The following ANGPT4 variants were observed in gnomAD, a reference collection of about 807,000 sequenced individuals.
The protein encoded by ANGPT4 is angiopoietin 4, also known as angiopoietin-4.
ANGPT4 carries 50 observed loss-of-function variants against 53.0 expected under a neutral mutation model. That is an observed-to-expected ratio of 0.94 (90% CI 0.75 to 1.20). The LOEUF is 1.20. Among genes scored for constraint, ANGPT4 ranks in the 50% most tolerant of loss-of-function variants. ANGPT4 has a pLI of 0.00. For missense variants in ANGPT4, 648 were observed against 637.1 expected (o/e 1.02, Z -0.18); for synonymous variants, 251 against 259.7 (o/e 0.97, Z 0.32).
Position 914,654 on chromosome 20 carries a change from C to T in ANGPT4, c.309+1252G>A, listed in dbSNP as rs1400952827. On this transcript the variant is annotated intron_variant, in intron 1 of 8. Coordinates refer to ENST00000381922, the MANE Select transcript of ANGPT4 (RefSeq NM_015985.4). The surrounding 1 kb of genome is among the most constrained non-coding windows in gnomAD (Gnocchi z 5.0). ...CCTTCTAAAACTCCAGGAATTAGTT[C>T]GCATCCTTCATTCCTCAGTCATCGC... Among the ~76,000 whole-genome samples, 4 of 152,036 alleles carry T rather than the reference C, an allele frequency of 2.6e-5. No individual in the cohort carries two copies. Among genetic ancestry groups the T allele is most frequent in the African/African-American group, 9.7e-5 (4 of 41,380 alleles).
chr20:888,207 G>C lies in ANGPT4; in HGVS notation c.587+111C>G. The C allele has an allele frequency of 2.1e-6, 3 of 1,414,476 alleles. No individual in the cohort carries two copies. The East Asian group carries it at 7.5e-5, about 35-fold the overall frequency. 87.6% of individuals were successfully genotyped at this position (1,414,476 alleles called of 1,614,324 possible). On this transcript the variant is annotated intron_variant, in intron 3 of 8. Coordinates refer to ENST00000381922, the MANE Select transcript of ANGPT4 (RefSeq NM_015985.4). Reference sequence around the variant, plus strand: ...AGACACCAGCCCACGTCCAGCTTCCGGTCCTGGCTCCAGCCCCAGTCCTAG... The same window carrying C: ...AGACACCAGCCCACGTCCAGCTTCCCGTCCTGGCTCCAGCCCCAGTCCTAG...
chr20:914,456 T>C lies in ANGPT4; in HGVS notation c.309+1450A>G, dbSNP rs1259478525. ...TCTTGCTTTTATTCGGATGCATGGTTAGCCCTGGGAGGAGGGAGAGGATGT... is the reference window on the plus strand; with the variant it reads ...TCTTGCTTTTATTCGGATGCATGGTCAGCCCTGGGAGGAGGGAGAGGATGT... On this transcript the variant is annotated intron_variant, in intron 1 of 8. Coordinates refer to ENST00000381922, the MANE Select transcript of ANGPT4 (RefSeq NM_015985.4). The surrounding 1 kb of genome is among the most constrained non-coding windows in gnomAD (Gnocchi z 5.0). Among the ~76,000 whole-genome samples, 1 of 151,946 alleles carries C rather than the reference T, an allele frequency of 6.6e-6. No homozygotes were observed.
In ANGPT4 at chr20:901,231, G is replaced by A. The variant is rs554614333; in HGVS notation, c.310-10863C>T. Among the ~76,000 whole-genome samples, 3 of 152,234 alleles carry A rather than the reference G, an allele frequency of 2.0e-5. No homozygotes were observed. The East Asian group carries it at 5.8e-4, about 29-fold the overall frequency. On this transcript the variant is annotated intron_variant, in intron 1 of 8. Coordinates refer to ENST00000381922, the MANE Select transcript of ANGPT4 (RefSeq NM_015985.4). ...TTAATATAAGAAGACAGGAATGTCA[G>A]GCCTCTGAGCCCAAGCCTGCACGTG...
intron 1 of ANGPT4, among the ~76,000 whole-genome samples, chr20:907,806 CA>C (rs1982534290): frequency 6.6e-6 from 1 of 152,148 alleles, no homozygotes; most frequent in Non-Finnish European, 1.5e-5. Context: ...GAAAATAGGG[CA>C]AAGTATGTTC....
chr20:883,498 A>T (rs1568830868), intron 4 of ANGPT4, among the ~76,000 whole-genome samples: 3 of 152,202 alleles, frequency 2.0e-5, no homozygotes, highest in African/African-American at 7.2e-5. Flanking sequence ...GACTTCAAGG[A>T]TGCCTGGTTC....
chr20:916,243 C>T lies in ANGPT4; in HGVS notation c.-29G>A. The T allele has an allele frequency of 6.3e-7, 1 of 1,595,858 alleles. No individual in the cohort carries two copies. The highest frequency in any genetic ancestry group is 8.6e-7 in the Non-Finnish European group (1 of 1,169,416). On this transcript the variant is annotated 5_prime_UTR_variant, in exon 1 of 9. Coordinates refer to ENST00000381922, the MANE Select transcript of ANGPT4 (RefSeq NM_015985.4). ...AAGATGTGTCAATGGCGAGGGATGT[C>T]TGCTCAGAGCCCTAGGGGCTGTGCC...
intron 1 of ANGPT4, among the ~76,000 whole-genome samples, chr20:906,333 C>T (rs949043280): frequency 6.6e-6 from 1 of 152,070 alleles, no homozygotes; most frequent in Non-Finnish European, 1.5e-5. Flanking sequence ...CACAGGAGGC[C>T]GAGCCCCAGC....
At chr20:907,240 A>T (rs1378626686) in intron 1 of ANGPT4, among the ~76,000 whole-genome samples, 1 of 151,972 alleles carries the variant, frequency 6.6e-6, no homozygotes, top group African/African-American at 2.4e-5. Flanking sequence ...AATATTTGGG[A>T]CTTCCCTGGC....
Position 911,410 on chromosome 20 carries a change from G to T in ANGPT4, c.309+4496C>A, listed in dbSNP as rs1982691149. Among the ~76,000 whole-genome samples the T allele has an allele frequency of 2.0e-5, 3 of 152,260 alleles. No individual in the cohort carries two copies. Among genetic ancestry groups the T allele is most frequent in the Admixed American group, 6.5e-5 (1 of 15,284 alleles). On this transcript the variant is annotated intron_variant, in intron 1 of 8. Transcript: ENST00000381922. The surrounding 1 kb of genome is among the most constrained non-coding windows in gnomAD (Gnocchi z 4.9). ...GGCTGAGCAGCCAGCTGCAGGGTGG[G>T]CATTGGTCATTTGGCAGATGTGCCC... is the stretch of plus-strand genomic sequence containing the variant.
chr20:907,714 G>T (rs374310362), intron 1 of ANGPT4, among the ~76,000 whole-genome samples: 1 of 152,148 alleles, frequency 6.6e-6, no homozygotes, highest in East Asian at 1.9e-4. Flanking sequence ...GTGTAACCAG[G>T]CGGTGCTTCT....
At chr20:897,641 T>C (rs1269084847) in intron 1 of ANGPT4, among the ~76,000 whole-genome samples, 2 of 152,118 alleles carry the variant, frequency 1.3e-5, no homozygotes, top group African/African-American at 4.8e-5. Flanking sequence ...TTCACCCACA[T>C]TCCCTTGGTG....
intron 1 of ANGPT4, among the ~76,000 whole-genome samples, chr20:896,361 G>A (rs979309674): frequency 3.9e-5 from 6 of 152,200 alleles, no homozygotes; most frequent in Non-Finnish European, 7.3e-5. Context: ...TGGGGTTGGA[G>A]GCAAGTTTAG....
chr20:886,913 T>A (rs1981638282), intron 3 of ANGPT4, among the ~76,000 whole-genome samples: 1 of 152,264 alleles, frequency 6.6e-6, no homozygotes, highest in Non-Finnish European at 1.5e-5. Context: ...GCTTATAGGA[T>A]GTCAGCTTCA....
At chr20:905,625 G>A (rs1568855526) in intron 1 of ANGPT4, among the ~76,000 whole-genome samples, 1 of 152,340 alleles carries the variant, frequency 6.6e-6, no homozygotes, top group East Asian at 1.9e-4. Context: ...GGAGGCCCAT[G>A]GCAAGGGAGG....
At chr20:885,375 C>A (rs1449494970) in intron 3 of ANGPT4, 50 bp from the exon 4 acceptor site, 2 of 1,464,514 alleles carry the variant, frequency 1.4e-6, no homozygotes, top group Non-Finnish European at 1.8e-6. Flanking sequence ...TCGCGAAGCA[C>A]GCACCCCCGC....
At chr20:877,750 G>A (rs1177179037) in intron 7 of ANGPT4, among the ~76,000 whole-genome samples, 1 of 152,182 alleles carries the variant, frequency 6.6e-6, no homozygotes, top group Non-Finnish European at 1.5e-5. Context: ...AGTTCCCAAA[G>A]CAAGCTGGAG....
intron 1 of ANGPT4, among the ~76,000 whole-genome samples, chr20:912,208 G>A (rs1473048343): frequency 6.6e-6 from 1 of 152,184 alleles, no homozygotes; most frequent in Non-Finnish European, 1.5e-5. Context: ...GGGCAACTGG[G>A]GGAATGGCAG....
At position 871,809 on chromosome 20, in the gene ANGPT4, C is replaced by T. The variant is rs531414589; in HGVS notation, c.*1151G>A. On this transcript the variant is annotated 3_prime_UTR_variant, in exon 9 of 9. Coordinates refer to ENST00000381922, the MANE Select transcript of ANGPT4 (RefSeq NM_015985.4). ...TTGAAGGAGCCTTGGAGGACATGAG[C>T]CTATAACACAGACAGGGACCTAGTT... is the stretch of plus-strand genomic sequence containing the variant. 14 of 152,330 alleles carry T rather than the reference C, an allele frequency of 9.2e-5. No homozygotes were observed. Among genetic ancestry groups the T allele is most frequent in the African/African-American group, 3.4e-4 (14 of 41,554 alleles). 9.4% of individuals were successfully genotyped at this position (152,330 alleles called of 1,614,324 possible).
intron 3 of ANGPT4, among the ~76,000 whole-genome samples, chr20:886,488 G>A (rs1184396012): frequency 6.6e-6 from 1 of 152,160 alleles, no homozygotes; most frequent in Non-Finnish European, 1.5e-5. Context: ...GATAAAAATG[G>A]GAATGTACAG....
Sources: allele counts gnomAD v4.1 joint callset (sites outside exome capture counted in the v4.1 genomes callset), GRCh38; gene constraint gnomAD v4.1.1; non-coding constraint Gnocchi (gnomAD v3.1); transcripts MANE v1.5; gene names NCBI Gene and HGNC (gene_info 2026-07-23, HGNC 2026-07-21).